Variants in ATP2C2 observed in about 807,000 individuals in gnomAD.
ATP2C2 encodes the protein ATPase secretory pathway Ca2+ transporting 2, also known as calcium-transporting ATPase type 2C member 2.
Under a neutral mutation model 110.8 loss-of-function variants are expected in ATP2C2, and 171 were observed. The ratio of observed to expected loss-of-function variants is 1.54; its 90% CI spans 1.36 to 1.75. The LOEUF (loss-of-function observed/expected upper bound fraction) is 1.75, where lower values mean the gene tolerates loss of function less well. Among genes scored for constraint, ATP2C2 ranks in the 40% most tolerant of loss-of-function variants. The pLI is 0.00. For synonymous variants in ATP2C2, 804 were observed against 508.4 expected (o/e 1.58, Z -7.82); for missense variants, 1,963 against 1,235.0 (o/e 1.59, Z -8.84).
chr16:84,413,469 A>G (rs17814267), intron 6 of ATP2C2, among the ~76,000 whole-genome samples: 42,789 of 152,154 alleles, frequency 0.28, 6,693 homozygotes, highest in Middle Eastern at 0.38. Flanking sequence ...CGGGAGCAGT[A>G]GAAATGTCTG....
chr16:84,393,594 T>C (rs1269513122), intron 1 of ATP2C2, among the ~76,000 whole-genome samples: 1 of 151,786 alleles, frequency 6.6e-6, no homozygotes, highest in Admixed American at 6.6e-5. Flanking sequence ...TGTTGGCAAA[T>C]GAGGAAGGAG....
At chr16:84,388,388 A>G (rs375233710) in intron 1 of ATP2C2, among the ~76,000 whole-genome samples, 17 of 152,306 alleles carry the variant, frequency 1.1e-4, no homozygotes, top group African/African-American at 3.8e-4. Context: ...CCTCTACAGA[A>G]CTTGCTGGAA....
intron 16 of ATP2C2, among the ~76,000 whole-genome samples, chr16:84,447,959 G>C (rs942143025): frequency 6.6e-6 from 1 of 151,666 alleles, no homozygotes; most frequent in African/African-American, 2.4e-5. Flanking sequence ...CGTGAGCCAG[G>C]TATGTCCGGT....
intron 16 of ATP2C2, among the ~76,000 whole-genome samples, chr16:84,448,119 C>T (rs1909926638): frequency 6.6e-6 from 1 of 152,052 alleles, no homozygotes; most frequent in Non-Finnish European, 1.5e-5. Context: ...AAGCCAAGTG[C>T]TGGGGGTGGG....
chr16:84,387,694 T>A (rs1242129102), intron 1 of ATP2C2, among the ~76,000 whole-genome samples: 1 of 152,190 alleles, frequency 6.6e-6, no homozygotes. Flanking sequence ...TCTCCAAGGT[T>A]GCGGCCCCTC....
chr16:84,432,204 A>G (rs193117225), intron 11 of ATP2C2, among the ~76,000 whole-genome samples: 6 of 152,168 alleles, frequency 3.9e-5, no homozygotes, highest in African/African-American at 1.4e-4. Flanking sequence ...ATTTTCATGC[A>G]CCCATCACCT....
intron 11 of ATP2C2, among the ~76,000 whole-genome samples, chr16:84,438,224 G>C (rs1001271839): frequency 4.6e-5 from 7 of 152,222 alleles, no homozygotes; most frequent in Non-Finnish European, 8.8e-5. Flanking sequence ...GGATGATAAA[G>C]TGAACACCTG....
chr16:84,436,096 T>G (rs1447927939), intron 11 of ATP2C2, among the ~76,000 whole-genome samples: 1 of 152,162 alleles, frequency 6.6e-6, no homozygotes, highest in Non-Finnish European at 1.5e-5. Context: ...ACCACTGCAC[T>G]CCAGCCTGGG....
At chr16:84,369,565 C>T (rs1189249033) in intron 1 of ATP2C2, among the ~76,000 whole-genome samples, 3 of 151,824 alleles carry the variant, frequency 2.0e-5, no homozygotes, top group Non-Finnish European at 2.9e-5. Flanking sequence ...GAACGAGTCC[C>T]CTGGGTTGCT....
chr16:84,439,578 C>CT, intron 13 of ATP2C2, 54 bp downstream of exon 13: 1 of 1,514,736 alleles, frequency 6.6e-7, no homozygotes, highest in Non-Finnish European at 9.2e-7. Context: ...CAGGCTGTCT[C>CT]CTTTCTAAAC....
intron 11 of ATP2C2, among the ~76,000 whole-genome samples, chr16:84,430,042 C>T (rs865815012): frequency 7.9e-5 from 12 of 152,146 alleles, no homozygotes; most frequent in Non-Finnish European, 7.3e-5. Context: ...TTTATAAGGA[C>T]GCCAGTTGTA....
intron 11 of ATP2C2, 70 bp from the exon 12 acceptor site, chr16:84,439,096 G>C: frequency 6.3e-7 from 1 of 1,587,328 alleles, no homozygotes; most frequent in Non-Finnish European, 8.6e-7. Flanking sequence ...CAAAAGCATT[G>C]CCAGCCCCAG....
At position 84,376,797 on chromosome 16, in the gene ATP2C2, G is replaced by T. The variant is rs542817141; in HGVS notation, c.99+8083G>T. Among the ~76,000 whole-genome samples the T allele has an allele frequency of 1.5e-3, 223 of 152,318 alleles. 2 individuals carry two copies. Among genetic ancestry groups the T allele is most frequent in the African/African-American group, 5.1e-3 (211 of 41,570 alleles). On this transcript the variant is annotated intron_variant, in intron 1 of 26. Transcript: ENST00000262429. ...CAGATCCAATGATTACGCATTCCAA[G>T]ATGGCAGCTGTGGAGCATGAAGCCT... is the stretch of plus-strand genomic sequence containing the variant.
At chr16:84,460,974 T>C in intron 24 of ATP2C2, 173 bp downstream of exon 24, 1 of 978,984 alleles carries the variant, frequency 1.0e-6, no homozygotes, top group Non-Finnish European at 1.4e-6. Flanking sequence ...AGGGACTGGG[T>C]GACCCTTGAA....
chr16:84,387,454 G>C (rs1265206652), intron 1 of ATP2C2, among the ~76,000 whole-genome samples: 1 of 152,150 alleles, frequency 6.6e-6, no homozygotes, highest in Non-Finnish European at 1.5e-5. Context: ...GGAGGTTGCA[G>C]TGAGCCGAGA....
chr16:84,375,006 G>C (rs1041717369), intron 1 of ATP2C2, among the ~76,000 whole-genome samples: 2 of 152,170 alleles, frequency 1.3e-5, no homozygotes, highest in Admixed American at 6.5e-5. Flanking sequence ...ATGGTTGTTT[G>C]AGGGTTAATA....
intron 1 of ATP2C2, among the ~76,000 whole-genome samples, chr16:84,391,876 T>G (rs1904682756): frequency 6.6e-6 from 1 of 151,618 alleles, no homozygotes; most frequent in Admixed American, 6.6e-5. Context: ...TTTATGTGAC[T>G]CCCGTTCCCT....
intron 21 of ATP2C2, among the ~76,000 whole-genome samples, chr16:84,458,696 C>T (rs567528121): frequency 8.3e-4 from 127 of 152,342 alleles, no homozygotes; most frequent in African/African-American, 3.0e-3. Flanking sequence ...TTCAGCCTCC[C>T]CATCCCTCCC....
At chr16:84,455,077 G>GGGGT in intron 21 of ATP2C2, 93 bp downstream of exon 21, 4 of 1,493,156 alleles carry the variant, frequency 2.7e-6, no homozygotes, top group Non-Finnish European at 3.7e-6. Flanking sequence ...TAGAGGGGGG[G>GGGGT]GTCTCGCGGA....
Sources: allele counts gnomAD v4.1 joint callset (sites outside exome capture counted in the v4.1 genomes callset), GRCh38; gene constraint gnomAD v4.1.1; transcripts MANE v1.5; gene names NCBI Gene and HGNC (gene_info 2026-07-23, HGNC 2026-07-21).